The following RASAL2 variants were observed in gnomAD, a reference collection of about 807,000 sequenced individuals.
RASAL2 encodes ras GTPase-activating protein nGAP.
RASAL2 carries 58 observed loss-of-function variants against 128.9 expected under a neutral mutation model. The observed-to-expected ratio is 0.45, with a 90% CI of 0.36 to 0.56. The LOEUF is 0.56. RASAL2 is among the 20% of genes least tolerant of loss of function. The pLI is 0.00. For missense variants in RASAL2, 1,360 were observed against 1,601.6 expected, an observed-to-expected ratio of 0.85 and a Z score of 2.57; for synonymous variants, 561 against 580.8, an observed-to-expected ratio of 0.97 and a Z score of 0.49.
chr1:178,407,804 G>A (rs1447902537), intron 4 of RASAL2, among the ~76,000 whole-genome samples: 1 of 152,194 alleles, frequency 6.6e-6, no homozygotes, highest in Admixed American at 6.5e-5. Context: ...ACGCAGCAGT[G>A]CTAGGATGCT....
intron 4 of RASAL2, among the ~76,000 whole-genome samples, chr1:178,404,495 C>T (rs1673864376): frequency 6.6e-6 from 1 of 151,796 alleles, no homozygotes; most frequent in African/African-American, 2.4e-5. Flanking sequence ...ATTCTCCTGC[C>T]TCAGCCTCTG....
chr1:178,461,901 C>A (rs1678225793), intron 14 of RASAL2, among the ~76,000 whole-genome samples: 1 of 152,202 alleles, frequency 6.6e-6, no homozygotes, highest in Non-Finnish European at 1.5e-5. Context: ...CTCAGCATAG[C>A]CAGGCTATGA....
At chr1:178,182,064 C>T (rs1662132712) in intron 1 of RASAL2, among the ~76,000 whole-genome samples, 1 of 152,182 alleles carries the variant, frequency 6.6e-6, no homozygotes, top group South Asian at 2.1e-4. Flanking sequence ...AGAGTGTCTA[C>T]ACAGATTACT....
rs1169628675 is a variant in RASAL2, at chr1:178,097,532, T to C, written c.202+2838T>C. Among the ~76,000 whole-genome samples, 4 of 152,342 alleles carry C rather than the reference T, an allele frequency of 2.6e-5. No homozygotes were observed. The East Asian group carries it at 7.7e-4, about 29-fold the overall frequency. ...AGATGTTTATTTATTTGGAATGTTT[T>C]CACAAGATAGGAAGATGAGTATGGC... On this transcript the variant is annotated intron_variant, in intron 1 of 17. Transcript: ENST00000367649.
chr1:178,272,940 A>AT (rs1452683085), intron 1 of RASAL2, among the ~76,000 whole-genome samples: 2 of 152,210 alleles, frequency 1.3e-5, no homozygotes, highest in African/African-American at 2.4e-5. Flanking sequence ...TTAAAAAAAA[A>AT]AAAAATCCAA....
At chr1:178,467,025 G>A (rs544055652) in intron 16 of RASAL2, among the ~76,000 whole-genome samples, 3 of 152,290 alleles carry the variant, frequency 2.0e-5, no homozygotes, top group Admixed American at 6.5e-5. Context: ...TTAAGAGAGG[G>A]TTGTTTGTTT....
intron 4 of RASAL2, among the ~76,000 whole-genome samples, chr1:178,392,676 G>C (rs1007914921): frequency 6.6e-6 from 1 of 152,106 alleles, no homozygotes; most frequent in Non-Finnish European, 1.5e-5. Context: ...CAGGGTGATA[G>C]GTAAGGGGCT....
intron 1 of RASAL2, among the ~76,000 whole-genome samples, chr1:178,165,011 A>G (rs1322555396): frequency 1.3e-5 from 2 of 152,130 alleles, no homozygotes; most frequent in Non-Finnish European, 2.9e-5. Flanking sequence ...CATTTATATT[A>G]TATTAGTTAT....
intron 3 of RASAL2, among the ~76,000 whole-genome samples, chr1:178,344,048 G>A (rs1205984378): frequency 6.6e-6 from 1 of 152,102 alleles, no homozygotes; most frequent in Non-Finnish European, 1.5e-5. Context: ...TCATATGTAT[G>A]TGAAATAATT....
intron 3 of RASAL2, among the ~76,000 whole-genome samples, chr1:178,376,001 AAGAG>A (rs1450715230): frequency 6.6e-6 from 1 of 152,244 alleles, no homozygotes; most frequent in Non-Finnish European, 1.5e-5. Flanking sequence ...GTCAAGAAAA[AAGAG>A]AGGGCAGCAG....
intron 1 of RASAL2, among the ~76,000 whole-genome samples, chr1:178,276,831 A>G (rs949294147): frequency 6.6e-6 from 1 of 152,122 alleles, no homozygotes; most frequent in African/African-American, 2.4e-5. Flanking sequence ...TGTTTATTAA[A>G]AAAATAAAGA....
rs534045635 is a variant in RASAL2, at chr1:178,476,538, A to G, written c.*3299A>G. ...AAAAATGTGGTAAAATGAGGTAATC[A>G]TGCTGCTATAGCTTTTTGCTTTTTT... On this transcript the variant is annotated 3_prime_UTR_variant, in exon 18 of 18. Transcript: ENST00000367649. 21 of 152,360 alleles carry G rather than the reference A, an allele frequency of 1.4e-4. No homozygotes were observed. Among genetic ancestry groups the G allele is most frequent in the African/African-American group, 5.0e-4 (21 of 41,598 alleles). 9.4% of individuals were successfully genotyped at this position (152,360 alleles called of 1,614,324 possible). A position where few individuals can be genotyped will look rare whatever the true frequency, so the allele number is the denominator to read the frequency against.
At chr1:178,247,683 C>T (rs1202536223) in intron 1 of RASAL2, among the ~76,000 whole-genome samples, 1 of 152,100 alleles carries the variant, frequency 6.6e-6, no homozygotes, top group Non-Finnish European at 1.5e-5. Context: ...TTAGATCTTT[C>T]CCACTTTCTG....
At chr1:178,302,798 T>G (rs1477022654) in intron 3 of RASAL2, among the ~76,000 whole-genome samples, 4 of 152,080 alleles carry the variant, frequency 2.6e-5, no homozygotes, top group African/African-American at 7.2e-5. Context: ...TCCCAGCACT[T>G]TGGGAGGCCA....
chr1:178,353,288 C>G (rs540174757), intron 3 of RASAL2, among the ~76,000 whole-genome samples: 1 of 152,322 alleles, frequency 6.6e-6, no homozygotes, highest in East Asian at 1.9e-4. Context: ...CAGGCTACAT[C>G]TTGATTACTT....
At chr1:178,172,826 A>G (rs1661748561) in intron 1 of RASAL2, among the ~76,000 whole-genome samples, 1 of 152,114 alleles carries the variant, frequency 6.6e-6, no homozygotes, top group Non-Finnish European at 1.5e-5. Flanking sequence ...AAATACCACA[A>G]ATAGTGTTGT....
intron 9 of RASAL2, among the ~76,000 whole-genome samples, chr1:178,446,620 C>T (rs1459441451): frequency 6.6e-6 from 1 of 152,114 alleles, no homozygotes; most frequent in Non-Finnish European, 1.5e-5. Context: ...ATTTCTAATG[C>T]TCAACAGCCA....
At chr1:178,439,645 C>G (rs16852807) in intron 6 of RASAL2, 70 bp downstream of exon 6, 10 of 1,465,202 alleles carry the variant, frequency 6.8e-6, no homozygotes, top group Non-Finnish European at 8.4e-6. Flanking sequence ...AGTAATTTTG[C>G]GATTTCATTG....
intron 2 of RASAL2, among the ~76,000 whole-genome samples, chr1:178,299,019 T>C (rs760118218): frequency 2.9e-4 from 44 of 151,660 alleles, no homozygotes; most frequent in Middle Eastern, 3.4e-3. Flanking sequence ...GTATTAGAGA[T>C]TTTTTTTTAC....
Sources: allele counts gnomAD v4.1 joint callset (sites outside exome capture counted in the v4.1 genomes callset), GRCh38; gene constraint gnomAD v4.1.1; transcripts MANE v1.5; gene names NCBI Gene and HGNC (gene_info 2026-07-23, HGNC 2026-07-21).